TMEM184A: variants seen among roughly 807,000 people sequenced by gnomAD.
TMEM184A encodes sexually dimorphic, expressed in male gonads 1.
TMEM184A carries 40 observed loss-of-function variants against 39.5 expected under a neutral mutation model. The ratio of observed to expected loss-of-function variants is 1.01; its 90% CI spans 0.79 to 1.32. The LOEUF is 1.32. Among genes scored for constraint, TMEM184A ranks in the 40% most tolerant of loss-of-function variants. TMEM184A has a pLI of 0.00. For missense variants in TMEM184A, 603 were observed against 568.8 expected (o/e 1.06, Z -0.61); for synonymous variants, 280 against 252.3 (o/e 1.11, Z -1.04).
intron 5 of TMEM184A, 86 bp from the exon 6 acceptor site, chr7:1,550,031 C>A: frequency 6.3e-7 from 1 of 1,593,266 alleles, no homozygotes; most frequent in Non-Finnish European, 8.6e-7. Flanking sequence ...AATGAGCAGC[C>A]CCCTGACACT....
At position 1,555,123 on chromosome 7, in the gene TMEM184A, A is replaced by C; in HGVS notation, c.219+143T>G. ...GCTCCCACATGCCACATCCTGGGGA[A>C]GCTCATCCCCTCCCCCGTGCCCTGG... On this transcript the variant is annotated intron_variant, in intron 2 of 8. Coordinates refer to ENST00000297477, the MANE Select transcript of TMEM184A (RefSeq NM_001097620.2). The surrounding 1 kb of genome is among the most constrained non-coding windows in gnomAD (Gnocchi z 5.2). 1 of 636,176 alleles carries C rather than the reference A, an allele frequency of 1.6e-6. No homozygotes were observed. Among genetic ancestry groups the C allele is most frequent in the Non-Finnish European group, 2.6e-6 (1 of 388,020 alleles). The allele number at this position is 636,176 out of a possible 1,614,324, so 39.4% of individuals were successfully genotyped here.
intron 8 of TMEM184A, 68 bp downstream of exon 8, chr7:1,547,674 G>C: frequency 6.7e-7 from 1 of 1,498,140 alleles, no homozygotes; most frequent in African/African-American, 1.4e-5. Context: ...AGAATGGCAC[G>C]GACACAGACA....
intron 6 of TMEM184A, 125 bp from the exon 7 acceptor site, chr7:1,548,813 G>T: frequency 8.6e-7 from 1 of 1,158,526 alleles, no homozygotes; most frequent in Non-Finnish European, 1.3e-6. Flanking sequence ...GGGCCCTGCA[G>T]GGATCCTGCC....
At chr7:1,548,751 AGCCACC>A in intron 6 of TMEM184A, 63 bp from the exon 7 acceptor site, 1 of 1,573,754 alleles carries the variant, frequency 6.4e-7, no homozygotes, top group South Asian at 1.1e-5. Context: ...CCCACCCTAG[AGCCACC>A]GCCGCTGCAC....
Position 1,555,611 on chromosome 7 carries a change from C to T in TMEM184A, c.1-127G>A, listed in dbSNP as rs1427125069. Reference sequence around the variant, plus strand: ...GCTGAGGCTGAGCCACCCACCAGGCCGCACCCCCCACACGGACACCAGCGC... The same window carrying T: ...GCTGAGGCTGAGCCACCCACCAGGCTGCACCCCCCACACGGACACCAGCGC... On this transcript the variant is annotated intron_variant, in intron 1 of 8. Coordinates refer to ENST00000297477, the MANE Select transcript of TMEM184A (RefSeq NM_001097620.2). This position sits in a 1 kb window ranked among gnomAD's most constrained non-coding sequence, Gnocchi z 5.2. 2.7e-5 allele frequency: 20 copies of T among 735,996 alleles called. No homozygotes were observed. Among genetic ancestry groups the T allele is most frequent in the South Asian group, 1.0e-4 (7 of 67,416 alleles). 45.6% of individuals were successfully genotyped at this position (735,996 alleles called of 1,614,324 possible). A position where few individuals can be genotyped will look rare whatever the true frequency, so the allele number is the denominator to read the frequency against.
chr7:1,549,827 C>T (rs987350181), intron 6 of TMEM184A, 27 bp downstream of exon 6: 2 of 1,566,354 alleles, frequency 1.3e-6, no homozygotes, highest in Non-Finnish European at 1.7e-6. Flanking sequence ...CACCTCATGC[C>T]AGGTGTCCCC....
intron 2 of TMEM184A, 70 bp from the exon 3 acceptor site, chr7:1,551,052 G>T: frequency 1.3e-5 from 15 of 1,150,270 alleles, no homozygotes; most frequent in South Asian, 2.7e-5. Context: ...GGTGAGCCGG[G>T]AAGGAGGTGG....
At chr7:1,550,422 CTGTGAGCCCTGAGCTGCACCGGGACCCCA>C (rs776174900) in intron 3 of TMEM184A, 27 bp from the exon 4 acceptor site, 2 of 1,580,898 alleles carry the variant, frequency 1.3e-6, no homozygotes, top group South Asian at 2.2e-5. Context: ...GGGGGACCGG[CTGTGAGCCCTGAGCTGCACCGGGACCCCA>C]TGGCGCCCAT....
At position 1,555,394 on chromosome 7, in the gene TMEM184A, C is replaced by T. The variant is rs754693029; in HGVS notation, c.91G>A (p.Ala31Thr). The change falls in exon 2 of 9, where the codon GCT (alanine) becomes ACT (threonine). Residue 31 changes from alanine to threonine, a missense_variant. Coordinates refer to ENST00000297477, the MANE Select transcript of TMEM184A (RefSeq NM_001097620.2). This position sits in a 1 kb window ranked among gnomAD's most constrained non-coding sequence, Gnocchi z 5.2. ...CCCATGTGGTCCATCTGCGGCCCAG[C>T]TGGCACAGCCGGTGGGGGGCTGGGC... is the stretch of plus-strand genomic sequence containing the variant. Reference protein sequence around the residue: ...PQPSPPPAVPAGPQMDHMGNS... With the variant: ...PQPSPPPAVPTGPQMDHMGNS... 9.9e-6 allele frequency: 16 copies of T among 1,611,858 alleles called. No homozygotes were observed. Among genetic ancestry groups the T allele is most frequent in the Non-Finnish European group, 1.3e-5 (15 of 1,179,666 alleles).
intron 2 of TMEM184A, among the ~76,000 whole-genome samples, chr7:1,552,463 A>C (rs1009988031): frequency 4.6e-5 from 7 of 151,432 alleles, no homozygotes; most frequent in Non-Finnish European, 1.0e-4. Flanking sequence ...ATTTTCAAGC[A>C]TAGAATACAT....
chr7:1,547,275 G>A (rs1784388464), intron 8 of TMEM184A, 94 bp from the exon 9 acceptor site: 2 of 732,704 alleles, frequency 2.7e-6, no homozygotes, highest in Non-Finnish European at 4.5e-6. Flanking sequence ...TGTAGCTCCT[G>A]CATGTCCAGG....
Position 1,555,862 on chromosome 7 carries a change from C to T in TMEM184A, c.-1+252G>A, listed in dbSNP as rs1221288086. The T allele has an allele frequency of 1.9e-5, 6 of 315,768 alleles. No individual in the cohort carries two copies. The highest frequency in any genetic ancestry group is 1.1e-4 in the East Asian group (1 of 8,864). The allele number at this position is 315,768 out of a possible 1,614,324, so 19.6% of individuals were successfully genotyped here. A position where few individuals can be genotyped will look rare whatever the true frequency, so the allele number is the denominator to read the frequency against. ...CTGCCCGGGAGGGCTGGGGAGCGGG[C>T]GCAGACCAGCACTGCCTGCCCCGGC... On this transcript the variant is annotated intron_variant, in intron 1 of 8. Coordinates refer to ENST00000297477, the MANE Select transcript of TMEM184A (RefSeq NM_001097620.2). The surrounding 1 kb of genome is among the most constrained non-coding windows in gnomAD (Gnocchi z 5.2).
At chr7:1,549,701 G>T in intron 6 of TMEM184A, 153 bp downstream of exon 6, 2 of 755,572 alleles carry the variant, frequency 2.6e-6, no homozygotes, top group Admixed American at 4.2e-5. Flanking sequence ...GGCCCCAGGG[G>T]ACCCAGTGCC....
intron 6 of TMEM184A, chr7:1,548,892 C>T: frequency 1.4e-6 from 1 of 713,940 alleles, no homozygotes; most frequent in Non-Finnish European, 2.5e-6. Context: ...GGGGCCTATG[C>T]AGGGGTAGGG....
rs1241627624 is a variant in TMEM184A, at chr7:1,544,851, A to G, written c.*2101T>C. The stretch of plus-strand genomic sequence containing the variant: ...GTCCCAGCTGGCTTGAGCGTTGAGC[A>G]TGTCAGTTTCCTGGCACAGTCCTCG... On this transcript the variant is annotated 3_prime_UTR_variant, in exon 9 of 9. Coordinates refer to ENST00000297477, the MANE Select transcript of TMEM184A (RefSeq NM_001097620.2). The G allele has an allele frequency of 6.6e-6, 1 of 152,250 alleles. No homozygotes were observed. The highest frequency in any genetic ancestry group is 1.5e-5 in the Non-Finnish European group (1 of 68,074). 9.4% of individuals were successfully genotyped at this position (152,250 alleles called of 1,614,324 possible).
rs1378932660 is a variant in TMEM184A, at chr7:1,550,485, G to A, written c.386-90C>T. ...ATCTCACCAGGGCAGGAGGAGGCTCGGGAGGGGCTGAGCCCAGCAGGCCAC... is the reference window on the plus strand; with the variant it reads ...ATCTCACCAGGGCAGGAGGAGGCTCAGGAGGGGCTGAGCCCAGCAGGCCAC... On this transcript the variant is annotated intron_variant, in intron 3 of 8. Coordinates refer to ENST00000297477, the MANE Select transcript of TMEM184A (RefSeq NM_001097620.2). The A allele has an allele frequency of 1.6e-5, 18 of 1,100,704 alleles. No individual in the cohort carries two copies. The East Asian group carries it at 1.8e-4, about 11-fold the overall frequency. The allele number at this position is 1,100,704 out of a possible 1,614,324, so 68.2% of individuals were successfully genotyped here. A position where few individuals can be genotyped will look rare whatever the true frequency, so the allele number is the denominator to read the frequency against.
rs922814216 is a variant in TMEM184A at position 1,555,820 on chromosome 7, A to T, written c.-1+294T>A. On this transcript the variant is annotated intron_variant, in intron 1 of 8. Coordinates refer to ENST00000297477, the MANE Select transcript of TMEM184A (RefSeq NM_001097620.2). The surrounding 1 kb of genome is among the most constrained non-coding windows in gnomAD (Gnocchi z 5.2). ...TCTTCCAGTGGGGCAGAAGAGGGGG[A>T]ACCCCTGCCGCCCTGCCTGCCCGGG... 2 of 356,092 alleles carry T rather than the reference A, an allele frequency of 5.6e-6. No homozygotes were observed. Among genetic ancestry groups the T allele is most frequent in the African/African-American group, 4.3e-5 (2 of 45,990 alleles). 22.1% of individuals were successfully genotyped at this position (356,092 alleles called of 1,614,324 possible).
chr7:1,549,753 G>T (rs905942595), intron 6 of TMEM184A, 101 bp downstream of exon 6: 1 of 1,093,888 alleles, frequency 9.1e-7, no homozygotes, highest in Non-Finnish European at 1.3e-6. Context: ...CCTTACTTGA[G>T]CCCAGCTGGA....
intron 6 of TMEM184A, 109 bp downstream of exon 6, chr7:1,549,745 T>G (rs1044522594): frequency 1.2e-5 from 12 of 1,024,894 alleles, no homozygotes; most frequent in Non-Finnish European, 1.7e-5. Flanking sequence ...AGCTCCCACC[T>G]TACTTGAGCC....
Sources: allele counts gnomAD v4.1 joint callset (sites outside exome capture counted in the v4.1 genomes callset), GRCh38; gene constraint gnomAD v4.1.1; non-coding constraint Gnocchi (gnomAD v3.1); transcripts MANE v1.5; gene names NCBI Gene and HGNC (gene_info 2026-07-23, HGNC 2026-07-21).